Variants in MDGA2 observed in about 807,000 individuals in gnomAD.
The protein encoded by MDGA2 is MAM domain-containing glycosylphosphatidylinositol anchor protein 2.
Under a neutral mutation model 117.8 loss-of-function variants are expected in MDGA2, and 40 were observed. The ratio of observed to expected loss-of-function variants is 0.34; its 90% CI spans 0.26 to 0.44. MDGA2 has a LOEUF of 0.44. Ranked by LOEUF, MDGA2 falls within the 20% of genes least tolerant of loss-of-function variation. The pLI is 1.00. For missense variants in MDGA2, 1,123 were observed against 1,250.6 expected (o/e 0.90, Z 1.54); for synonymous variants, 452 against 439.0 (o/e 1.03, Z -0.37).
intron 1 of MDGA2, among the ~76,000 whole-genome samples, chr14:47,458,846 T>C (rs1044068323): frequency 6.6e-6 from 1 of 151,458 alleles, no homozygotes; most frequent in African/African-American, 2.4e-5. Flanking sequence ...TGCACTCTTG[T>C]CCTCTGGGAC....
intron 8 of MDGA2, among the ~76,000 whole-genome samples, chr14:47,008,511 T>C (rs1044697574): frequency 1.3e-5 from 2 of 151,926 alleles, no homozygotes; most frequent in Admixed American, 6.6e-5. Context: ...AAGCATGATA[T>C]ATTTTACATT....
At chr14:47,479,543 T>C (rs1402971168) in intron 1 of MDGA2, among the ~76,000 whole-genome samples, 1 of 152,130 alleles carries the variant, frequency 6.6e-6, no homozygotes, top group Non-Finnish European at 1.5e-5. Flanking sequence ...GAAGACTACT[T>C]ACATACTTTT....
At chr14:47,121,884 C>T (rs2139107285) in intron 5 of MDGA2, among the ~76,000 whole-genome samples, 1 of 152,018 alleles carries the variant, frequency 6.6e-6, no homozygotes, top group East Asian at 1.9e-4. Flanking sequence ...GCATTAGGTC[C>T]AGAAATAACT....
chr14:47,404,164 A>G (rs1287153885), intron 1 of MDGA2, among the ~76,000 whole-genome samples: 2 of 150,714 alleles, frequency 1.3e-5, no homozygotes, highest in Non-Finnish European at 3.0e-5. Context: ...ATGGGTGAGA[A>G]AAGAAATTTA....
At chr14:47,361,207 C>A (rs201208447) in intron 1 of MDGA2, among the ~76,000 whole-genome samples, 3,295 of 140,450 alleles carry the variant, frequency 0.023, 71 homozygotes, top group East Asian at 0.11. Context: ...CTCTCTCTCT[C>A]TATATATATA....
intron 9 of MDGA2, among the ~76,000 whole-genome samples, chr14:46,942,440 A>G (rs1018294406): frequency 3.9e-5 from 6 of 152,108 alleles, no homozygotes; most frequent in Non-Finnish European, 7.4e-5. Flanking sequence ...TAAACTTCAT[A>G]AATTTTAAAT....
In MDGA2 at chr14:47,107,057, T is replaced by C. The variant is rs1483907226; in HGVS notation, c.926-9934A>G. 1.0e-4 allele frequency among the ~76,000 whole-genome samples: 13 copies of C among 129,350 alleles called. 3 individuals are homozygous for C. The highest frequency in any genetic ancestry group is 2.1e-4 in the Non-Finnish European group (13 of 60,508). 84.9% of individuals were successfully genotyped at this position (129,350 alleles called of 152,430 possible). A position where few individuals can be genotyped will look rare whatever the true frequency, so the allele number is the denominator to read the frequency against. On this transcript the variant is annotated intron_variant, in intron 5 of 16. Coordinates refer to ENST00000399232, the MANE Select transcript of MDGA2 (RefSeq NM_001113498.3). ...AAGCCTCCTTTGCGTCCACCTCTTC[T>C]ATCCCCCCACCTTAACCCACAAGTA...
At chr14:47,236,290 C>CAAAAAAAAAAAAAAAAAAAA (rs5808383) in intron 2 of MDGA2, among the ~76,000 whole-genome samples, 1 of 67,252 alleles carries the variant, frequency 1.5e-5, no homozygotes, top group African/African-American at 6.0e-5. Flanking sequence ...GACTCCGCCT[C>CAAAAAAAAAAAAAAAAAAAA]AAAAAAAAAA....
chr14:47,271,584 A>T (rs1566713607), intron 2 of MDGA2, among the ~76,000 whole-genome samples: 2 of 152,122 alleles, frequency 1.3e-5, no homozygotes, highest in African/African-American at 2.4e-5. Context: ...AGCAGTAGGA[A>T]TGATAAAAGT....
intron 1 of MDGA2, among the ~76,000 whole-genome samples, chr14:47,475,683 A>G (rs1424327866): frequency 6.6e-6 from 1 of 152,192 alleles, no homozygotes; most frequent in East Asian, 1.9e-4. Flanking sequence ...AGGGACATAG[A>G]TGGAGCTCGA....
At chr14:47,016,838 C>A (rs1217908268) in intron 8 of MDGA2, among the ~76,000 whole-genome samples, 1 of 151,844 alleles carries the variant, frequency 6.6e-6, no homozygotes, top group Non-Finnish European at 1.5e-5. Flanking sequence ...CGTATAGATC[C>A]AAGTTAACAG....
chr14:46,883,785 G>T (rs1185541714), intron 10 of MDGA2, among the ~76,000 whole-genome samples: 1 of 151,940 alleles, frequency 6.6e-6, no homozygotes, highest in Non-Finnish European at 1.5e-5. Context: ...ATTGTAAATT[G>T]TAACTTTTAA....
At chr14:47,014,620 C>A (rs979739550) in intron 8 of MDGA2, among the ~76,000 whole-genome samples, 8 of 152,136 alleles carry the variant, frequency 5.3e-5, no homozygotes, top group Non-Finnish European at 1.2e-4. Flanking sequence ...ACCTCATGAA[C>A]CAACATGTGT....
chr14:47,566,065 G>A (rs1417095017), intron 1 of MDGA2, among the ~76,000 whole-genome samples: 1 of 152,214 alleles, frequency 6.6e-6, no homozygotes, highest in Non-Finnish European at 1.5e-5. Context: ...CATGCCAGCA[G>A]GGAAGGAGAG....
chr14:47,519,482 G>A (rs968001760), intron 1 of MDGA2, among the ~76,000 whole-genome samples: 4 of 152,084 alleles, frequency 2.6e-5, no homozygotes, highest in African/African-American at 9.7e-5. Flanking sequence ...CAATTACATT[G>A]TTACTCTATC....
At chr14:47,053,230 T>C (rs1278101861) in intron 7 of MDGA2, among the ~76,000 whole-genome samples, 2 of 151,902 alleles carry the variant, frequency 1.3e-5, no homozygotes, top group Non-Finnish European at 2.9e-5. Context: ...ATCATCTCCT[T>C]GGACAGTAAT....
intron 1 of MDGA2, among the ~76,000 whole-genome samples, chr14:47,463,496 T>G (rs1171434738): frequency 2.6e-5 from 4 of 152,194 alleles, no homozygotes; most frequent in African/African-American, 9.6e-5. Context: ...ATCATGCAAA[T>G]GAAGCACCTG....
rs369593538 is a variant in MDGA2 at position 46,884,881 on chromosome 14, C to CT, written c.2239-2661dup. Reference sequence around the variant, plus strand: ...GTTTTTTTTCTGAGACAGTCTCGCTCTGTCACCTAGGCTGGAGTACAATGA... The same window carrying CT: ...GTTTTTTTTCTGAGACAGTCTCGCTCTTGTCACCTAGGCTGGAGTACAATGA... On this transcript the variant is annotated intron_variant, in intron 10 of 16. Coordinates refer to ENST00000399232, the MANE Select transcript of MDGA2 (RefSeq NM_001113498.3). This position sits in a 1 kb window ranked among gnomAD's most constrained non-coding sequence, Gnocchi z 4.1. Among the ~76,000 whole-genome samples, 190 of 151,430 alleles carry CT rather than the reference C, an allele frequency of 1.3e-3. 2 individuals are homozygous for CT. The highest frequency in any genetic ancestry group is 4.4e-3 in the African/African-American group (181 of 41,222).
chr14:47,591,429 C>T (rs1376893368), intron 1 of MDGA2, among the ~76,000 whole-genome samples: 2 of 152,090 alleles, frequency 1.3e-5, no homozygotes, highest in Non-Finnish European at 2.9e-5. Flanking sequence ...GGAGTGACTT[C>T]TTCCTAACTC....
Sources: allele counts gnomAD v4.1 joint callset (sites outside exome capture counted in the v4.1 genomes callset), GRCh38; gene constraint gnomAD v4.1.1; non-coding constraint Gnocchi (gnomAD v3.1); transcripts MANE v1.5; gene names NCBI Gene and HGNC (gene_info 2026-07-23, HGNC 2026-07-21).